Variants in PTPRG observed in about 807,000 individuals in gnomAD.
The protein encoded by PTPRG is receptor-type tyrosine-protein phosphatase gamma.
In PTPRG, 102 loss-of-function variants were observed where a neutral mutation model predicts 165.3. That is an observed-to-expected ratio of 0.62 (90% confidence interval 0.53 to 0.73). The LOEUF (loss-of-function observed/expected upper bound fraction) is 0.73. Among genes scored for constraint, PTPRG ranks in the 30% least tolerant of loss-of-function variants. The pLI is 0.00. For synonymous variants in PTPRG, 675 were observed against 669.5 expected, an observed-to-expected ratio of 1.01 and a Z score of -0.13; for missense variants, 1,866 against 1,861.4, an observed-to-expected ratio of 1.00 and a Z score of -0.05.
intron 6 of PTPRG, among the ~76,000 whole-genome samples, chr3:62,156,581 T>G (rs1704545210): frequency 6.6e-6 from 1 of 152,226 alleles, no homozygotes; most frequent in Non-Finnish European, 1.5e-5. Context: ...ATGTTACTGG[T>G]GACTTACAGT....
chr3:62,138,644 G>A (rs555587972), intron 6 of PTPRG, among the ~76,000 whole-genome samples: 8 of 150,138 alleles, frequency 5.3e-5, no homozygotes, highest in African/African-American at 1.5e-4. Context: ...ACTTGAATCC[G>A]GGAGGCAGAA....
In PTPRG at chr3:62,273,743, G is replaced by A. The variant is rs1702148189; in HGVS notation, c.3364G>A (p.Gly1122Arg). The A allele has an allele frequency of 1.2e-6, 2 of 1,613,650 alleles. No individual in the cohort carries two copies. Among genetic ancestry groups the A allele is most frequent in the Non-Finnish European group, 1.7e-6 (2 of 1,179,678 alleles). ...IHDALLEAIL[G>R]KETEVSSNQL... Reference sequence around the variant, plus strand: ...TGATGCCTTGTTGGAAGCCATTCTTGGAAAGGAGACTGAAGTATCTTCAAA... The same window carrying A: ...TGATGCCTTGTTGGAAGCCATTCTTAGAAAGGAGACTGAAGTATCTTCAAA... Residue 1122 changes from glycine to arginine, a missense_variant, in exon 23 of 30, where the codon GGA becomes AGA. Coordinates refer to ENST00000474889, the MANE Select transcript of PTPRG (RefSeq NM_002841.4). This position sits in a 1 kb window ranked among gnomAD's most constrained non-coding sequence, Gnocchi z 4.1.
intron 2 of PTPRG, among the ~76,000 whole-genome samples, chr3:61,794,912 A>G (rs1178532031): frequency 3.3e-5 from 5 of 152,202 alleles, no homozygotes; most frequent in Non-Finnish European, 7.3e-5. Flanking sequence ...TTATTTAGTC[A>G]TAATATGAGT....
At chr3:62,069,637 G>GTCTCTC (rs537162206) in intron 4 of PTPRG, among the ~76,000 whole-genome samples, 18 of 141,106 alleles carry the variant, frequency 1.3e-4, no homozygotes, top group East Asian at 1.1e-3. Context: ...TAGGATCGAT[G>GTCTCTC]TCTCTCTCTC....
intron 1 of PTPRG, among the ~76,000 whole-genome samples, chr3:61,574,975 C>T (rs938151689): frequency 2.0e-5 from 3 of 152,328 alleles, no homozygotes; most frequent in East Asian, 1.9e-4. Context: ...GAGGGACCCA[C>T]CCTCATGACT....
intron 6 of PTPRG, among the ~76,000 whole-genome samples, chr3:62,143,753 T>C (rs958075720): frequency 2.6e-5 from 4 of 152,186 alleles, no homozygotes; most frequent in African/African-American, 7.2e-5. Context: ...TGAATGAGGT[T>C]TCTAGAGCAG....
intron 2 of PTPRG, among the ~76,000 whole-genome samples, chr3:61,905,394 C>T (rs961940526): frequency 4.6e-5 from 7 of 152,132 alleles, no homozygotes; most frequent in Non-Finnish European, 1.0e-4. Context: ...AGTGGCTGGG[C>T]TGTTTTTTAA....
At chr3:61,951,353 A>G (rs924562824) in intron 2 of PTPRG, among the ~76,000 whole-genome samples, 1 of 152,182 alleles carries the variant, frequency 6.6e-6, no homozygotes, top group African/African-American at 2.4e-5. Context: ...TGGTTTTGTA[A>G]TAATCTCATC....
chr3:61,881,071 T>G (rs1205061633), intron 2 of PTPRG, among the ~76,000 whole-genome samples: 2 of 148,518 alleles, frequency 1.3e-5, no homozygotes, highest in Non-Finnish European at 1.5e-5. Context: ...TTTACAAGGG[T>G]TTTTTTTTTC....
In PTPRG at chr3:61,995,745, T is replaced by C. The variant is rs13097844; in HGVS notation, c.370+5941T>C. On this transcript the variant is annotated intron_variant, in intron 3 of 29. Transcript: ENST00000474889. ...CTTCCTTCCTTCCTTCCTTCCTTCC[T>C]TCCCTCCCTCTCTCCCTCCCTCCTT... Among the ~76,000 whole-genome samples, 719 of 109,720 alleles carry C rather than the reference T, an allele frequency of 6.6e-3. 7 individuals are homozygous for C. Among genetic ancestry groups the C allele is most frequent in the African/African-American group, 0.01 (310 of 29,628 alleles). 72.0% of individuals were successfully genotyped at this position (109,720 alleles called of 152,430 possible). A position where few individuals can be genotyped will look rare whatever the true frequency, so the allele number is the denominator to read the frequency against.
At chr3:61,855,919 C>T (rs1051098056) in intron 2 of PTPRG, among the ~76,000 whole-genome samples, 1 of 151,842 alleles carries the variant, frequency 6.6e-6, no homozygotes, top group Non-Finnish European at 1.5e-5. Flanking sequence ...AGTGGGTTTC[C>T]CTTGAATTAG....
At chr3:61,638,595 T>TTTTTG (rs1701982723) in intron 1 of PTPRG, among the ~76,000 whole-genome samples, 1 of 129,314 alleles carries the variant, frequency 7.7e-6, no homozygotes, top group Non-Finnish European at 1.6e-5. Context: ...TGGCTAGTTT[T>TTTTTG]TTTTTTTTTT....
intron 3 of PTPRG, among the ~76,000 whole-genome samples, chr3:62,001,722 C>T (rs915078643): frequency 6.6e-6 from 1 of 151,952 alleles, no homozygotes; most frequent in African/African-American, 2.4e-5. Context: ...AAGGAAAAGT[C>T]GGTAATATTT....
chr3:61,652,269 C>T (rs560232543), intron 1 of PTPRG, among the ~76,000 whole-genome samples: 3 of 152,314 alleles, frequency 2.0e-5, no homozygotes, highest in Admixed American at 6.5e-5. Flanking sequence ...ATCGCCACTG[C>T]ACTCCAACCT....
chr3:62,111,929 T>A (rs1702682146), intron 5 of PTPRG, among the ~76,000 whole-genome samples: 1 of 152,120 alleles, frequency 6.6e-6, no homozygotes, highest in Non-Finnish European at 1.5e-5. Flanking sequence ...ACTTAAAAAA[T>A]TTTGTTTTGG....
rs1306613208 is a variant in PTPRG at position 62,195,522 on chromosome 3, C to T, written c.1327+352C>T. Among the ~76,000 whole-genome samples, 1 of 152,156 alleles carries T rather than the reference C, an allele frequency of 6.6e-6. No individual in the cohort carries two copies. ...CTGAATATCCTCTTTGTCTTTCTAA[C>T]GTGATTCAGTTAGCTGTTCTCTCAA... On this transcript the variant is annotated intron_variant, in intron 10 of 29. Transcript: ENST00000474889. This position sits in a 1 kb window ranked among gnomAD's most constrained non-coding sequence, Gnocchi z 4.4.
chr3:61,941,577 C>T (rs545063664), intron 2 of PTPRG, among the ~76,000 whole-genome samples: 29 of 152,172 alleles, frequency 1.9e-4, no homozygotes, highest in East Asian at 5.8e-4. Flanking sequence ...GAGCCGAGAG[C>T]GCCACTGCAC....
chr3:61,965,063 T>C (rs1420569126), intron 2 of PTPRG, among the ~76,000 whole-genome samples: 1 of 152,032 alleles, frequency 6.6e-6, no homozygotes, highest in Non-Finnish European at 1.5e-5. Context: ...GCTAACATGG[T>C]GAAACCCTGT....
intron 2 of PTPRG, among the ~76,000 whole-genome samples, chr3:61,954,591 T>C (rs1322440736): frequency 6.6e-6 from 1 of 152,084 alleles, no homozygotes; most frequent in Non-Finnish European, 1.5e-5. Context: ...TGGCACAGTA[T>C]GAGCTGGCAG....
Sources: allele counts gnomAD v4.1 joint callset (sites outside exome capture counted in the v4.1 genomes callset), GRCh38; gene constraint gnomAD v4.1.1; non-coding constraint Gnocchi (gnomAD v3.1); transcripts MANE v1.5; gene names NCBI Gene and HGNC (gene_info 2026-07-23, HGNC 2026-07-21).